Variants in NAA15 observed in about 807,000 individuals in gnomAD.
NAA15 encodes the protein N-terminal acetyltransferase.
Under a neutral mutation model 114.0 loss-of-function variants are expected in NAA15, and 34 were observed. That is an observed-to-expected ratio of 0.30 (90% CI 0.23 to 0.40). The LOEUF (loss-of-function observed/expected upper bound fraction) is 0.40, where lower values mean the gene tolerates loss of function less well. Ranked by LOEUF, NAA15 falls within the 10% of genes least tolerant of loss-of-function variation. The probability of loss-of-function intolerance (pLI) is 1.00; values close to 1 mark genes in which losing one functional copy is unlikely to be tolerated. For missense variants in NAA15, 658 were observed against 1,004.5 expected, an observed-to-expected ratio of 0.66 and a Z score of 4.66; for synonymous variants, 340 against 338.0, an observed-to-expected ratio of 1.01 and a Z score of -0.06.
At chr4:139,359,444 A>G (rs1394513375) in intron 11 of NAA15, among the ~76,000 whole-genome samples, 1 of 152,098 alleles carries the variant, frequency 6.6e-6, no homozygotes. Flanking sequence ...TTCTTTAACA[A>G]TTATTTTTGA....
Position 139,318,844 on chromosome 4 carries a change from T to C in NAA15, c.55-15330T>C, listed in dbSNP as rs542626850. Among the ~76,000 whole-genome samples, 19 of 145,154 alleles carry C rather than the reference T, an allele frequency of 1.3e-4. No individual in the cohort carries two copies. In the South Asian group the frequency reaches 3.7e-3, roughly 28 times the overall value. On this transcript the variant is annotated intron_variant, in intron 1 of 19. Transcript: ENST00000296543. ...ACTCCAGCCTAGGCGACAGACCCCA[T>C]CTCAAAAAAAAAAAAGGAACTTAAA...
intron 4 of NAA15, 104 bp from the exon 5 acceptor site, chr4:139,342,722 A>G: frequency 5.8e-6 from 6 of 1,035,938 alleles, no homozygotes; most frequent in Non-Finnish European, 8.5e-6. Context: ...TGCTGGGATT[A>G]CAGGCGTGAG....
intron 7 of NAA15, among the ~76,000 whole-genome samples, chr4:139,349,985 CA>C (rs34905298): frequency 4.9e-4 from 72 of 146,518 alleles, no homozygotes; most frequent in Non-Finnish European, 6.3e-4. Context: ...GACTGTGTCT[CA>C]AAAAAAAAAA....
chr4:139,366,640 ACT>A (rs1748294269), intron 14 of NAA15, among the ~76,000 whole-genome samples: 1 of 147,870 alleles, frequency 6.8e-6, no homozygotes, highest in Admixed American at 6.8e-5. Flanking sequence ...ACAGGGTCTC[ACT>A]CTGTCTTCCA....
At chr4:139,315,809 A>G (rs969690369) in intron 1 of NAA15, among the ~76,000 whole-genome samples, 3 of 150,550 alleles carry the variant, frequency 2.0e-5, no homozygotes, top group African/African-American at 7.3e-5. Flanking sequence ...TTTTTACTTA[A>G]GAGAGTTTAT....
intron 3 of NAA15, among the ~76,000 whole-genome samples, chr4:139,339,036 C>A (rs1028323949): frequency 1.3e-5 from 2 of 151,986 alleles, no homozygotes; most frequent in Admixed American, 6.6e-5. Flanking sequence ...GTCTCGAACT[C>A]GTGACTTGAA....
intron 1 of NAA15, among the ~76,000 whole-genome samples, chr4:139,303,436 T>C (rs1159733380): frequency 6.6e-6 from 1 of 152,206 alleles, no homozygotes; most frequent in Admixed American, 6.5e-5. Flanking sequence ...TTATTTGCCA[T>C]ATATGCTTTC....
Position 139,316,846 on chromosome 4 carries a change from C to A in NAA15, c.54+15015C>A, listed in dbSNP as rs559075443. On this transcript the variant is annotated intron_variant, in intron 1 of 19. Coordinates refer to ENST00000296543, the MANE Select transcript of NAA15 (RefSeq NM_057175.5). ...TTAAAAATAAATTAACACCTCCCCC[C>A]ACCCCCCGCCATAGTTCTGTCTTGT... is the stretch of plus-strand genomic sequence containing the variant. 7.3e-4 allele frequency among the ~76,000 whole-genome samples: 111 copies of A among 151,514 alleles called. 1 individual carries two copies. Among genetic ancestry groups the A allele is most frequent in the Middle Eastern group, 3.4e-3 (1 of 294 alleles).
chr4:139,315,060 G>T (rs373206963), intron 1 of NAA15, among the ~76,000 whole-genome samples: 29,021 of 130,302 alleles, frequency 0.22, 5,160 homozygotes, highest in African/African-American at 0.34. Flanking sequence ...GGTTAGTTTA[G>T]TTTAGTTTAG....
Position 139,354,489 on chromosome 4 carries a change from G to A in NAA15, c.1087+391G>A, listed in dbSNP as rs377698300. On this transcript the variant is annotated intron_variant, in intron 10 of 19. Transcript: ENST00000296543. ...AATTTTTAGATTTTTTGTAGACTTAGGGTCTCACTTTGTTGCCCAGGCTGG... is the reference window on the plus strand; with the variant it reads ...AATTTTTAGATTTTTTGTAGACTTAAGGTCTCACTTTGTTGCCCAGGCTGG... Among the ~76,000 whole-genome samples, 23 of 151,986 alleles carry A rather than the reference G, an allele frequency of 1.5e-4. No homozygotes were observed. In the South Asian group the frequency reaches 3.5e-3, roughly 23 times the overall value.
At chr4:139,385,045 TATAAG>T (rs1168009733) in intron 18 of NAA15, 67 bp downstream of exon 18, 9 of 1,278,842 alleles carry the variant, frequency 7.0e-6, no homozygotes, top group Non-Finnish European at 9.4e-6. Flanking sequence ...TCAACAATAA[TATAAG>T]GTACATGTTT....
At chr4:139,327,926 A>G (rs970136734) in intron 1 of NAA15, among the ~76,000 whole-genome samples, 3 of 152,200 alleles carry the variant, frequency 2.0e-5, no homozygotes, top group African/African-American at 7.2e-5. Context: ...CAGCCTCCCA[A>G]AGTTCCAGGA....
At chr4:139,380,039 C>T (rs1032561335) in intron 17 of NAA15, among the ~76,000 whole-genome samples, 7 of 151,954 alleles carry the variant, frequency 4.6e-5, no homozygotes, top group African/African-American at 1.2e-4. Context: ...AGTGAGACTC[C>T]GTCTCAAAAA....
intron 16 of NAA15, 67 bp downstream of exon 16, chr4:139,376,540 A>C (rs1748587153): frequency 3.2e-6 from 3 of 938,294 alleles, no homozygotes; most frequent in South Asian, 2.7e-5. Flanking sequence ...TAGTCACCCA[A>C]CTCTGATAGC....
chr4:139,340,863 G>A lies in NAA15; in HGVS notation c.245-49G>A, dbSNP rs527585094. The A allele has an allele frequency of 1.6e-5, 23 of 1,410,560 alleles. No homozygotes were observed. The East Asian group carries it at 2.1e-4, about 13-fold the overall frequency. The allele number at this position is 1,410,560 out of a possible 1,614,324, so 87.4% of individuals were successfully genotyped here. A position where few individuals can be genotyped will look rare whatever the true frequency, so the allele number is the denominator to read the frequency against. On this transcript the variant is annotated intron_variant, in intron 3 of 19. Transcript: ENST00000296543. ...TCCAAGTTTTTTGGGAGGTCGTTTG[G>A]AATAGTAATTTTTGACTTGTAGGTT... is the stretch of plus-strand genomic sequence containing the variant.
At chr4:139,380,555 T>G (rs1276875488) in intron 17 of NAA15, among the ~76,000 whole-genome samples, 2 of 152,230 alleles carry the variant, frequency 1.3e-5, no homozygotes, top group African/African-American at 4.8e-5. Context: ...GTGTTTTCTT[T>G]CAGCAGTTGG....
At chr4:139,318,908 T>G (rs1042594277) in intron 1 of NAA15, among the ~76,000 whole-genome samples, 18 of 152,312 alleles carry the variant, frequency 1.2e-4, no homozygotes, top group African/African-American at 4.3e-4. Flanking sequence ...CAAAGCTGTT[T>G]AGCTTGAATA....
intron 1 of NAA15, among the ~76,000 whole-genome samples, chr4:139,333,929 CATTT>C (rs1479517861): frequency 1.5e-4 from 23 of 151,680 alleles, no homozygotes; most frequent in Non-Finnish European, 2.9e-5. Flanking sequence ...AATTCTATAC[CATTT>C]ATTTTTCTGT....
At chr4:139,353,139 C>T (rs1461905488) in intron 9 of NAA15, among the ~76,000 whole-genome samples, 1 of 152,146 alleles carries the variant, frequency 6.6e-6, no homozygotes, top group Non-Finnish European at 1.5e-5. Context: ...CCTTGGTATT[C>T]AACTTATGGA....
Sources: gnomAD v4.1 joint callset for allele counts (sites outside exome capture counted in the v4.1 genomes callset) on GRCh38, gnomAD v4.1.1 for gene constraint, MANE v1.5 for transcripts, NCBI Gene and HGNC (gene_info 2026-07-23, HGNC 2026-07-21) for gene names.